The following KIAA1217 variants were observed in gnomAD, a reference collection of about 807,000 sequenced individuals.
KIAA1217 encodes sickle tail protein homolog.
KIAA1217 carries 88 observed loss-of-function variants against 163.9 expected under a neutral mutation model. That is an observed-to-expected ratio of 0.54 (90% CI 0.45 to 0.64). The LOEUF (loss-of-function observed/expected upper bound fraction) is 0.64, where lower values mean the gene tolerates loss of function less well. Ranked by LOEUF, KIAA1217 falls within the 30% of genes least tolerant of loss-of-function variation. The pLI is 0.00. For missense variants in KIAA1217, 2,372 were observed against 2,475.0 expected (o/e 0.96, Z 0.88); for synonymous variants, 903 against 923.1 (o/e 0.98, Z 0.39).
intron 3 of KIAA1217, among the ~76,000 whole-genome samples, chr10:24,416,463 C>G (rs923351391): frequency 1.1e-4 from 16 of 152,130 alleles, no homozygotes; most frequent in African/African-American, 3.9e-4. Context: ...TGGGAAACAC[C>G]CCTTGTCTTT....
At chr10:23,792,347 T>C (rs1171028743) in intron 1 of KIAA1217, among the ~76,000 whole-genome samples, 2 of 152,238 alleles carry the variant, frequency 1.3e-5, no homozygotes, top group East Asian at 3.8e-4. Context: ...AGGAATACAT[T>C]GTTTTGAACC....
At chr10:24,181,003 T>C (rs528020845) in intron 2 of KIAA1217, among the ~76,000 whole-genome samples, 8 of 152,186 alleles carry the variant, frequency 5.3e-5, no homozygotes, top group Non-Finnish European at 1.2e-4. Context: ...TATAGTGAAG[T>C]TTATGAATCA....
At chr10:23,847,841 C>T (rs1839117587) in intron 1 of KIAA1217, among the ~76,000 whole-genome samples, 1 of 152,042 alleles carries the variant, frequency 6.6e-6, no homozygotes, top group African/African-American at 2.4e-5. Flanking sequence ...CCTGCTTTCT[C>T]CTGTGGTCAT....
chr10:23,816,289 G>GT (rs532957671), intron 1 of KIAA1217, among the ~76,000 whole-genome samples: 6 of 151,802 alleles, frequency 4.0e-5, no homozygotes, highest in Non-Finnish European at 8.8e-5. Flanking sequence ...TGTTGTTGTT[G>GT]TTGTTTGTTT....
At chr10:24,051,736 T>C (rs1247943593) in intron 2 of KIAA1217, among the ~76,000 whole-genome samples, 4 of 152,106 alleles carry the variant, frequency 2.6e-5, no homozygotes, top group Non-Finnish European at 4.4e-5. Flanking sequence ...CGTTTGTTGG[T>C]TATTTGTATA....
intron 2 of KIAA1217, among the ~76,000 whole-genome samples, chr10:24,347,596 A>C (rs2047948836): frequency 6.6e-6 from 1 of 152,158 alleles, no homozygotes; most frequent in South Asian, 2.1e-4. Flanking sequence ...ATTTTTTTTA[A>C]TATTTTGTTT....
At chr10:24,064,930 G>C (rs2060878943) in intron 2 of KIAA1217, among the ~76,000 whole-genome samples, 1 of 152,212 alleles carries the variant, frequency 6.6e-6, no homozygotes, top group East Asian at 1.9e-4. Context: ...TATTTGCATA[G>C]AGGTGTTTAT....
At chr10:24,077,669 T>C (rs1003443525) in intron 2 of KIAA1217, among the ~76,000 whole-genome samples, 6 of 152,240 alleles carry the variant, frequency 3.9e-5, no homozygotes, top group African/African-American at 9.6e-5. Flanking sequence ...TGTGATACAA[T>C]GATTCATATT....
intron 8 of KIAA1217, among the ~76,000 whole-genome samples, chr10:24,498,560 C>T (rs906486051): frequency 6.6e-6 from 1 of 152,138 alleles, no homozygotes; most frequent in African/African-American, 2.4e-5. Context: ...TGGTGACCCA[C>T]GCCTATAATC....
At chr10:24,239,168 G>A (rs796771152) in intron 2 of KIAA1217, 1 of 985,332 alleles carries the variant, frequency 1.0e-6, no homozygotes, top group Non-Finnish European at 1.2e-6. Context: ...TTATGCAAAT[G>A]ACGAGAGTTT....
Position 23,766,592 on chromosome 10 carries a change from TTC to T in KIAA1217, c.-321+71360_-321+71361del, listed in dbSNP as rs762384161. ...TCTTTTTTTTTTCTTTCTTTCTTTT[TTC>T]TTTTTTTTTTTTGAGACAGCGTCTC... is the stretch of plus-strand genomic sequence containing the variant. On this transcript the variant is annotated intron_variant, in intron 1 of 18. Coordinates refer to the KIAA1217 transcript ENST00000376462. 6.2e-3 allele frequency among the ~76,000 whole-genome samples: 909 copies of T among 145,476 alleles called. 32 individuals carry two copies. Among genetic ancestry groups the T allele is most frequent in the African/African-American group, 0.022 (816 of 36,842 alleles).
At chr10:24,365,074 G>T (rs530079281) in intron 2 of KIAA1217, among the ~76,000 whole-genome samples, 4 of 152,216 alleles carry the variant, frequency 2.6e-5, no homozygotes, top group Non-Finnish European at 5.9e-5. Flanking sequence ...CAAAGTGCTG[G>T]GGTTACAGGA....
chr10:23,894,142 CAATTAGGCAGG>C (rs1320933627), intron 1 of KIAA1217, among the ~76,000 whole-genome samples: 1 of 148,994 alleles, frequency 6.7e-6, no homozygotes, highest in African/African-American at 2.4e-5. Context: ...CTGGCCAGGG[CAATTAGGCAGG>C]AGAAGGAAAT....
chr10:24,464,345 G>A (rs750763352), intron 5 of KIAA1217, among the ~76,000 whole-genome samples: 3 of 152,216 alleles, frequency 2.0e-5, no homozygotes, highest in Admixed American at 6.5e-5. Flanking sequence ...GGAAATTGCT[G>A]TGAACCTGGC....
At chr10:24,200,441 C>A (rs954649422) in intron 2 of KIAA1217, among the ~76,000 whole-genome samples, 26 of 152,144 alleles carry the variant, frequency 1.7e-4, no homozygotes, top group Admixed American at 7.2e-4. Context: ...ACAAGAGTCA[C>A]CAAGCCACCA....
intron 1 of KIAA1217, among the ~76,000 whole-genome samples, chr10:23,855,041 A>G: frequency 6.6e-6 from 1 of 152,098 alleles, no homozygotes; most frequent in Non-Finnish European, 1.5e-5. Context: ...TTATGTGTGA[A>G]TTTGATCCTG....
At chr10:24,330,940 TA>T (rs2133545322) in intron 2 of KIAA1217, among the ~76,000 whole-genome samples, 1 of 152,036 alleles carries the variant, frequency 6.6e-6, no homozygotes, top group African/African-American at 2.4e-5. Flanking sequence ...ATCTTATATA[TA>T]TTTTTTTATT....
intron 5 of KIAA1217, among the ~76,000 whole-genome samples, chr10:24,464,027 C>A (rs986615184): frequency 6.6e-6 from 1 of 152,130 alleles, no homozygotes; most frequent in Non-Finnish European, 1.5e-5. Flanking sequence ...GGTGAGTTAG[C>A]CTGAAAGAGC....
chr10:24,306,079 A>T (rs906467296), intron 2 of KIAA1217, among the ~76,000 whole-genome samples: 1 of 152,144 alleles, frequency 6.6e-6, no homozygotes, highest in African/African-American at 2.4e-5. Context: ...ACATTTCCTG[A>T]CTCACCAACT....
Sources: allele counts gnomAD v4.1 joint callset (sites outside exome capture counted in the v4.1 genomes callset), GRCh38; gene constraint gnomAD v4.1.1; transcripts MANE v1.5; gene names NCBI Gene and HGNC (gene_info 2026-07-23, HGNC 2026-07-21).